MAP2: variants seen among roughly 807,000 people sequenced by gnomAD.
MAP2 encodes microtubule-associated protein 2.
MAP2 carries 14 observed loss-of-function variants against 137.6 expected under a neutral mutation model. The observed-to-expected ratio is 0.10, with a 90% CI of 0.07 to 0.16. MAP2 has a LOEUF of 0.16. MAP2 is among the 10% of genes least tolerant of loss of function. MAP2 has a pLI of 1.00. For missense variants in MAP2, 2,088 were observed against 2,191.5 expected (o/e 0.95, Z 0.94); for synonymous variants, 786 against 782.3 (o/e 1.00, Z -0.08).
chr2:209,659,796 T>A (rs145393633), intron 5 of MAP2, among the ~76,000 whole-genome samples: 269 of 151,888 alleles, frequency 1.8e-3, no homozygotes, highest in African/African-American at 6.3e-3. Context: ...CCCAGCACTT[T>A]GGGAGGCCGA....
chr2:209,429,041 C>G (rs960961643), intron 1 of MAP2, among the ~76,000 whole-genome samples: 1 of 151,936 alleles, frequency 6.6e-6, no homozygotes, highest in Admixed American at 6.6e-5. Flanking sequence ...GCAAGCTCCG[C>G]CCCCCGGGTT....
intron 4 of MAP2, among the ~76,000 whole-genome samples, chr2:209,644,596 G>T (rs1171267986): frequency 6.6e-6 from 1 of 151,420 alleles, no homozygotes; most frequent in Non-Finnish European, 1.5e-5. Context: ...TTTGAAAGCT[G>T]GGAGGTGGAG....
chr2:209,721,175 A>C (rs893196517), intron 13 of MAP2, among the ~76,000 whole-genome samples: 2 of 152,196 alleles, frequency 1.3e-5, no homozygotes, highest in African/African-American at 4.8e-5. Flanking sequence ...GCAAGTTGTC[A>C]AGCTAGAGTG....
At chr2:209,603,512 A>G (rs527808195) in intron 3 of MAP2, among the ~76,000 whole-genome samples, 23 of 152,270 alleles carry the variant, frequency 1.5e-4, no homozygotes, top group Admixed American at 7.9e-4. Context: ...AGAAGAGGAA[A>G]GCAGGCACGG....
chr2:209,552,387 G>A (rs2069384014), intron 2 of MAP2, among the ~76,000 whole-genome samples: 1 of 152,062 alleles, frequency 6.6e-6, no homozygotes, highest in Non-Finnish European at 1.5e-5. Context: ...ATTTAGCACA[G>A]TGCCAGGAAT....
At chr2:209,725,599 C>T in intron 13 of MAP2, 110 bp from the exon 14 acceptor site, 2 of 526,826 alleles carry the variant, frequency 3.8e-6, no homozygotes, top group East Asian at 3.3e-5. Flanking sequence ...GGGTTTCTAG[C>T]TATGTTGTTG....
rs1253386874 is a variant in MAP2, at chr2:209,525,313, G to A, written c.-172+17672G>A. Among the ~76,000 whole-genome samples, 12 of 151,902 alleles carry A rather than the reference G, an allele frequency of 7.9e-5. No individual in the cohort carries two copies. The East Asian group carries it at 2.3e-3, about 29-fold the overall frequency. On this transcript the variant is annotated intron_variant, in intron 2 of 15. Coordinates refer to ENST00000682079, the MANE Select transcript of MAP2 (RefSeq NM_001375505.1). ...GATTAATTTTTCATATCTATATTTAGAAATGACGTCTTCTAATTTTATCTA... is the reference window on the plus strand; with the variant it reads ...GATTAATTTTTCATATCTATATTTAAAAATGACGTCTTCTAATTTTATCTA...
At chr2:209,595,413 A>G (rs752338514) in intron 3 of MAP2, among the ~76,000 whole-genome samples, 1 of 152,224 alleles carries the variant, frequency 6.6e-6, no homozygotes, top group Non-Finnish European at 1.5e-5. Context: ...AGGAGATACT[A>G]TCTCACACCA....
intron 3 of MAP2, among the ~76,000 whole-genome samples, chr2:209,594,622 ATACT>A (rs1316232990): frequency 6.6e-6 from 1 of 152,120 alleles, no homozygotes; most frequent in Non-Finnish European, 1.5e-5. Flanking sequence ...TTATTTACTG[ATACT>A]TAATAGAGAG....
chr2:209,693,718 A>T lies in MAP2; in HGVS notation c.1548A>T (p.Thr516=), dbSNP rs765986409. 3 of 1,613,194 alleles carry T rather than the reference A, an allele frequency of 1.9e-6. No homozygotes were observed. Among genetic ancestry groups the T allele is most frequent in the Admixed American group, 1.7e-5 (1 of 59,870 alleles). Residue 516 remains threonine (T), a synonymous_variant, in exon 8 of 16, where the codon ACA becomes ACT. Coordinates refer to ENST00000682079, the MANE Select transcript of MAP2 (RefSeq NM_001375505.1). The stretch of plus-strand genomic sequence containing the variant: ...CAGATTCAGCCATGACCTCTAAAAC[A>T]CTGGAGAAAGCCATGACCGAACCAT... The part of the protein sequence containing the change: ...AVTDSAMTSK[T]LEKAMTEPSA...
At chr2:209,505,041 C>CT (rs35123976) in intron 1 of MAP2, among the ~76,000 whole-genome samples, 8,910 of 152,078 alleles carry the variant, frequency 0.059, 304 homozygotes, top group South Asian at 0.092. Context: ...CATATTTTTT[C>CT]TTCTCTTTTT....
At chr2:209,636,494 A>T (rs2093576127) in intron 4 of MAP2, among the ~76,000 whole-genome samples, 1 of 152,008 alleles carries the variant, frequency 6.6e-6, no homozygotes, top group East Asian at 1.9e-4. Context: ...AGAATTCAAG[A>T]GAGAACTTTA....
At chr2:209,462,927 A>G (rs1414046192) in intron 1 of MAP2, among the ~76,000 whole-genome samples, 7 of 151,946 alleles carry the variant, frequency 4.6e-5, no homozygotes. Flanking sequence ...ATGAAAAGAG[A>G]TTTTTCTGTA....
At chr2:209,503,957 G>A (rs951609949) in intron 1 of MAP2, among the ~76,000 whole-genome samples, 7 of 152,154 alleles carry the variant, frequency 4.6e-5, no homozygotes, top group African/African-American at 1.2e-4. Context: ...TTAGTTGGGT[G>A]TGGTGAAACG....
intron 11 of MAP2, chr2:209,704,722 C>T: frequency 8.9e-7 from 1 of 1,122,688 alleles, no homozygotes; most frequent in Non-Finnish European, 1.2e-6. Flanking sequence ...AAATACTTTA[C>T]TCTGAAGTGT....
chr2:209,516,257 A>G (rs983768129), intron 2 of MAP2, among the ~76,000 whole-genome samples: 1 of 148,944 alleles, frequency 6.7e-6, no homozygotes, highest in African/African-American at 2.6e-5. Context: ...CTTAAACTAT[A>G]AGATATTGAT....
intron 1 of MAP2, among the ~76,000 whole-genome samples, chr2:209,492,091 G>T (rs769946985): frequency 6.6e-6 from 1 of 151,966 alleles, no homozygotes; most frequent in Non-Finnish European, 1.5e-5. Context: ...AAAACTTATC[G>T]ACTATGATCA....
intron 14 of MAP2, among the ~76,000 whole-genome samples, chr2:209,727,778 G>A (rs184470354): frequency 1.3e-5 from 2 of 152,208 alleles, no homozygotes; most frequent in East Asian, 1.9e-4. Flanking sequence ...AGAATTCTTC[G>A]AAAATCAAAG....
At chr2:209,686,626 C>G (rs1413955059) in intron 7 of MAP2, among the ~76,000 whole-genome samples, 1 of 152,150 alleles carries the variant, frequency 6.6e-6, no homozygotes, top group Non-Finnish European at 1.5e-5. Context: ...TGCACCACAT[C>G]AGAAGCCAAG....
Sources: gnomAD v4.1 joint callset for allele counts (sites outside exome capture counted in the v4.1 genomes callset) on GRCh38, gnomAD v4.1.1 for gene constraint, MANE v1.5 for transcripts, NCBI Gene and HGNC (gene_info 2026-07-23, HGNC 2026-07-21) for gene names.